The following NPSR1 variants were observed in gnomAD, a reference collection of about 807,000 sequenced individuals.
The protein encoded by NPSR1 is neuropeptide S receptor 1.
A neutral mutation model predicts 46.9 loss-of-function variants in NPSR1; 48 were observed. The ratio of observed to expected loss-of-function variants is 1.02; its 90% CI spans 0.81 to 1.30. NPSR1 has a LOEUF of 1.30. NPSR1 is among the 50% of genes most tolerant of loss of function. NPSR1 has a pLI of 0.00. For synonymous variants in NPSR1, 176 were observed against 168.1 expected (o/e 1.05, Z -0.36); for missense variants, 450 against 449.5 (o/e 1.00, Z -0.01).
intron 2 of NPSR1, among the ~76,000 whole-genome samples, chr7:34,713,611 G>T (rs192712365): frequency 1.5e-4 from 23 of 152,288 alleles, no homozygotes; most frequent in Non-Finnish European, 3.2e-4. Context: ...GCACAGTGGG[G>T]ATCCAGATGC....
chr7:34,792,689 G>GTATATATATATATTTA (rs1489386225), intron 3 of NPSR1, among the ~76,000 whole-genome samples: 16 of 74,318 alleles, frequency 2.2e-4, no homozygotes, highest in African/African-American at 7.4e-4. Flanking sequence ...ATATATATAT[G>GTATATATATATATTTA]TATATATATA....
chr7:34,866,469 A>G (rs10278462), intron 8 of NPSR1, among the ~76,000 whole-genome samples: 53,175 of 143,726 alleles, frequency 0.37, 10,301 homozygotes, highest in African/African-American at 0.5. Flanking sequence ...GAGATATCTC[A>G]GAACCTGTCC....
rs1279440519 is a variant in NPSR1, at chr7:34,797,715, G to A, written c.385-14055G>A. ...AAGCAAAATAAATGTCAGAAAAAAT[G>A]TACCTCTAGGCATATCATATTCAAA... On this transcript the variant is annotated intron_variant, in intron 3 of 8. Transcript: ENST00000360581. Among the ~76,000 whole-genome samples the A allele has an allele frequency of 2.0e-5, 3 of 152,260 alleles. No homozygotes were observed. In the East Asian group the frequency reaches 5.8e-4, roughly 29 times the overall value.
chr7:34,735,547 A>G (rs1224675332), intron 2 of NPSR1, among the ~76,000 whole-genome samples: 2 of 152,244 alleles, frequency 1.3e-5, no homozygotes, highest in Non-Finnish European at 2.9e-5. Context: ...AGTGATTAGT[A>G]GAATATAAGA....
chr7:34,838,263 G>T (rs1458702427), intron 6 of NPSR1, among the ~76,000 whole-genome samples: 1 of 152,120 alleles, frequency 6.6e-6, no homozygotes, highest in Non-Finnish European at 1.5e-5. Context: ...GCCACTTGGA[G>T]GTCTGTTTCC....
chr7:34,855,403 T>C (rs1384493825), intron 8 of NPSR1, among the ~76,000 whole-genome samples: 2 of 152,122 alleles, frequency 1.3e-5, no homozygotes, highest in Admixed American at 1.3e-4. Flanking sequence ...AACAGTATTC[T>C]TTAAATGATA....
At chr7:34,765,239 C>G (rs748841441) in intron 2 of NPSR1, among the ~76,000 whole-genome samples, 3 of 152,122 alleles carry the variant, frequency 2.0e-5, no homozygotes, top group Non-Finnish European at 4.4e-5. Flanking sequence ...AAAATGTTTG[C>G]CATTTAATCA....
At chr7:34,755,350 A>G (rs1785774670) in intron 2 of NPSR1, among the ~76,000 whole-genome samples, 1 of 152,252 alleles carries the variant, frequency 6.6e-6, no homozygotes, top group South Asian at 2.1e-4. Context: ...GATTTAGGTC[A>G]AGGATACAAA....
At position 34,875,578 on chromosome 7, in the gene NPSR1, G is replaced by C. The variant is rs370985046; in HGVS notation, c.1026-2498G>C. 7.8e-3 allele frequency among the ~76,000 whole-genome samples: 1,181 copies of C among 152,280 alleles called. 10 individuals carry two copies. The highest frequency in any genetic ancestry group is 0.014 in the Middle Eastern group (4 of 294). Reference sequence around the variant, plus strand: ...TAGAGATCCCCAAATGTGAGGCAACGAATCAAGCGCTCCCTGAGAGGGTGT... The same window carrying C: ...TAGAGATCCCCAAATGTGAGGCAACCAATCAAGCGCTCCCTGAGAGGGTGT... On this transcript the variant is annotated intron_variant, in intron 8 of 8. Transcript: ENST00000359791.
At chr7:34,752,642 G>C (rs984822377) in intron 2 of NPSR1, among the ~76,000 whole-genome samples, 4 of 152,144 alleles carry the variant, frequency 2.6e-5, no homozygotes, top group African/African-American at 9.7e-5. Flanking sequence ...CTAGATGTTT[G>C]GGGGAAGGGG....
At chr7:34,704,257 A>G (rs948219205) in intron 2 of NPSR1, 2 of 152,200 alleles carry the variant, frequency 1.3e-5, no homozygotes, top group Non-Finnish European at 2.9e-5. Context: ...TAGTGAAAAT[A>G]TTGAAGACTG....
intron 2 of NPSR1, among the ~76,000 whole-genome samples, chr7:34,698,065 C>G (rs944050777): frequency 6.6e-6 from 1 of 151,920 alleles, no homozygotes; most frequent in Non-Finnish European, 1.5e-5. Flanking sequence ...CAAAACAAAA[C>G]ACAAAGTAAA....
At chr7:34,791,114 T>C (rs1787823905) in intron 3 of NPSR1, among the ~76,000 whole-genome samples, 1 of 86,694 alleles carries the variant, frequency 1.2e-5, no homozygotes, top group African/African-American at 4.3e-5. Flanking sequence ...ATATGTTATA[T>C]AATATAATAT....
downstream of NPSR1, among the ~76,000 whole-genome samples, chr7:34,853,988 A>C (rs28638201): frequency 3.2e-4 from 48 of 150,750 alleles, no homozygotes; most frequent in Non-Finnish European, 5.9e-5. Flanking sequence ...AACAAAAAAC[A>C]AAAAAAACAT....
intron 7 of NPSR1, among the ~76,000 whole-genome samples, chr7:34,847,969 G>A (rs1409825784): frequency 1.3e-5 from 2 of 152,152 alleles, no homozygotes; most frequent in Non-Finnish European, 2.9e-5. Flanking sequence ...TTCTGGAGAG[G>A]CCAACTTAGG....
At chr7:34,809,799 A>G (rs892653799) in intron 3 of NPSR1, among the ~76,000 whole-genome samples, 3 of 151,956 alleles carry the variant, frequency 2.0e-5, no homozygotes, top group Non-Finnish European at 4.4e-5. Context: ...ACACCCTCCT[A>G]TAGGCCCCAG....
chr7:34,863,866 C>T (rs1018510405), intron 8 of NPSR1, among the ~76,000 whole-genome samples: 2 of 151,680 alleles, frequency 1.3e-5, no homozygotes, highest in Admixed American at 6.6e-5. Context: ...CCAGCAATCC[C>T]ATTACTAGGT....
chr7:34,699,039 C>T (rs1483368120), intron 2 of NPSR1, among the ~76,000 whole-genome samples: 3 of 152,272 alleles, frequency 2.0e-5, no homozygotes, highest in Non-Finnish European at 4.4e-5. Flanking sequence ...ATATTCATAT[C>T]TGCTTATTTC....
At chr7:34,791,220 A>G (rs1787856211) in intron 3 of NPSR1, among the ~76,000 whole-genome samples, 1 of 113,998 alleles carries the variant, frequency 8.8e-6, no homozygotes, top group Non-Finnish European at 1.7e-5. Context: ...TATATGTTAT[A>G]TGTTATATAT....
Sources: allele counts gnomAD v4.1 joint callset (sites outside exome capture counted in the v4.1 genomes callset), GRCh38; gene constraint gnomAD v4.1.1; transcripts MANE v1.5; gene names NCBI Gene and HGNC (gene_info 2026-07-23, HGNC 2026-07-21).